NCOA2: variants seen among roughly 807,000 people sequenced by gnomAD.
NCOA2 encodes the protein class E basic helix-loop-helix protein 75.
Under a neutral mutation model 145.1 loss-of-function variants are expected in NCOA2, and 21 were observed. The ratio of observed to expected loss-of-function variants is 0.14; its 90% CI spans 0.10 to 0.21. NCOA2 has a LOEUF of 0.21. NCOA2 is among the 10% of genes least tolerant of loss of function. The pLI, the probability that NCOA2 is intolerant of heterozygous loss-of-function variation, is 1.00. For synonymous variants in NCOA2, 619 were observed against 637.5 expected, an observed-to-expected ratio of 0.97 and a Z score of 0.44; for missense variants, 1,472 against 1,837.6, an observed-to-expected ratio of 0.80 and a Z score of 3.64.
chr8:70,360,919 C>G (rs1810137986), intron 1 of NCOA2, among the ~76,000 whole-genome samples: 1 of 125,984 alleles, frequency 7.9e-6, no homozygotes, highest in Non-Finnish European at 1.6e-5. Flanking sequence ...GCCTGGGTGA[C>G]AGAGTGAGTG....
At chr8:70,137,098 G>A (rs1407387298) in intron 15 of NCOA2, among the ~76,000 whole-genome samples, 2 of 152,194 alleles carry the variant, frequency 1.3e-5, no homozygotes, top group Admixed American at 1.3e-4. Context: ...GGAGTGCAAC[G>A]GTGCGGTCTC....
In NCOA2 at chr8:70,112,311, G is replaced by T. The variant is rs974546043; in HGVS notation, c.*1321C>A. On this transcript the variant is annotated 3_prime_UTR_variant, in exon 23 of 23. Coordinates refer to ENST00000452400, the MANE Select transcript of NCOA2 (RefSeq NM_006540.4). ...TTTAATACTGAAGTACCTCATTTTTGAGTCAATTCCACAATATGTATACCT... is the reference window on the plus strand; with the variant it reads ...TTTAATACTGAAGTACCTCATTTTTTAGTCAATTCCACAATATGTATACCT... 1 of 194,786 alleles carries T rather than the reference G, an allele frequency of 5.1e-6. No homozygotes were observed. The highest frequency in any genetic ancestry group is 2.3e-5 in the African/African-American group (1 of 43,130). The allele number at this position is 194,786 out of a possible 1,614,324, so 12.1% of individuals were successfully genotyped here. A position where few individuals can be genotyped will look rare whatever the true frequency, so the allele number is the denominator to read the frequency against.
intron 1 of NCOA2, among the ~76,000 whole-genome samples, chr8:70,365,111 T>C (rs1433755955): frequency 6.6e-6 from 1 of 152,120 alleles, no homozygotes; most frequent in African/African-American, 2.4e-5. Flanking sequence ...GGAGGGTGCA[T>C]CACTTGAATT....
intron 2 of NCOA2, among the ~76,000 whole-genome samples, chr8:70,271,739 G>A (rs773213574): frequency 2.6e-5 from 4 of 152,186 alleles, no homozygotes; most frequent in East Asian, 3.8e-4. Flanking sequence ...AGACAGAAAC[G>A]CCTTAGCAAA....
At chr8:70,455,399 A>T in the NCOA2 span, among the ~76,000 whole-genome samples, 1 of 152,228 alleles carries the variant, frequency 6.6e-6, no homozygotes, top group African/African-American at 2.4e-5. Context: ...TAAGCTGCAT[A>T]GCTTTAAATT....
intron 4 of NCOA2, among the ~76,000 whole-genome samples, chr8:70,212,064 CGCATATATAT>C (rs1266239840): frequency 3.8e-5 from 3 of 77,930 alleles, no homozygotes; most frequent in Non-Finnish European, 7.2e-5. Flanking sequence ...TTCTTTGTGG[CGCATATATAT>C]ATATATATAT....
chr8:70,446,110 T>C, the NCOA2 span, among the ~76,000 whole-genome samples: 4 of 152,174 alleles, frequency 2.6e-5, no homozygotes, highest in Non-Finnish European at 5.9e-5. Context: ...ATATTATCTT[T>C]AGTCACAGAA....
At chr8:70,171,329 T>A (rs2132657839) in intron 5 of NCOA2, among the ~76,000 whole-genome samples, 1 of 152,298 alleles carries the variant, frequency 6.6e-6, no homozygotes, top group South Asian at 2.1e-4. Context: ...GAGGTTAAAG[T>A]CTCAGAACTA....
intron 2 of NCOA2, among the ~76,000 whole-genome samples, chr8:70,220,927 G>A (rs573872947): frequency 4.3e-4 from 65 of 152,258 alleles, no homozygotes; most frequent in African/African-American, 1.2e-3. Context: ...TAAAGTGATC[G>A]AACATCTGAT....
chr8:70,367,011 T>C (rs926738966), intron 1 of NCOA2, among the ~76,000 whole-genome samples: 4 of 152,242 alleles, frequency 2.6e-5, no homozygotes, highest in Non-Finnish European at 1.5e-5. Context: ...CACAGCAACC[T>C]GTTCCTGACA....
At chr8:70,116,728 T>C (rs920702555) in intron 22 of NCOA2, among the ~76,000 whole-genome samples, 7 of 152,202 alleles carry the variant, frequency 4.6e-5, no homozygotes, top group African/African-American at 1.7e-4. Context: ...GATTATTCTC[T>C]AAAGCAAATG....
chr8:70,326,433 A>T (rs1171542283), intron 1 of NCOA2, among the ~76,000 whole-genome samples: 20 of 144,764 alleles, frequency 1.4e-4, no homozygotes, highest in South Asian at 9.4e-4. Flanking sequence ...TCTCTCTCAC[A>T]CACACACACA....
chr8:70,237,973 T>G (rs1821781390), intron 2 of NCOA2, among the ~76,000 whole-genome samples: 1 of 152,148 alleles, frequency 6.6e-6, no homozygotes, highest in Non-Finnish European at 1.5e-5. Context: ...TGATTGCAAT[T>G]TAATATGATT....
intron 15 of NCOA2, among the ~76,000 whole-genome samples, chr8:70,132,327 C>A (rs762485298): frequency 3.1e-4 from 47 of 152,190 alleles, no homozygotes; most frequent in Non-Finnish European, 5.3e-4. Context: ...CCTACACCGA[C>A]TGCTCAAGCA....
the NCOA2 span, among the ~76,000 whole-genome samples, chr8:70,409,882 AG>A: frequency 1.3e-5 from 2 of 152,070 alleles, no homozygotes; most frequent in East Asian, 3.9e-4. Context: ...CCTGTGTGAA[AG>A]AAAGAATAAA....
At chr8:70,385,335 T>A (rs1489251573) in intron 1 of NCOA2, among the ~76,000 whole-genome samples, 2 of 152,198 alleles carry the variant, frequency 1.3e-5, no homozygotes, top group Non-Finnish European at 1.5e-5. Flanking sequence ...TCACACTTGT[T>A]TAAGTGATGG....
At chr8:70,419,001 G>A in the NCOA2 span, among the ~76,000 whole-genome samples, 1 of 151,836 alleles carries the variant, frequency 6.6e-6, no homozygotes, top group East Asian at 1.9e-4. Flanking sequence ...GCTTCCATCA[G>A]TGTGTATAAT....
the NCOA2 span, among the ~76,000 whole-genome samples, chr8:70,447,513 CACTT>C: frequency 6.6e-6 from 1 of 152,124 alleles, no homozygotes; most frequent in East Asian, 1.9e-4. Context: ...GTGACTGACT[CACTT>C]AGAGTGACTG....
chr8:70,113,861 G>A (rs976438353), intron 22 of NCOA2, among the ~76,000 whole-genome samples: 4 of 152,120 alleles, frequency 2.6e-5, no homozygotes, highest in Admixed American at 6.5e-5. Flanking sequence ...GGAGCCCAGC[G>A]AATCCTACAT....
Sources: allele counts gnomAD v4.1 joint callset (sites outside exome capture counted in the v4.1 genomes callset), GRCh38; gene constraint gnomAD v4.1.1; transcripts MANE v1.5; gene names NCBI Gene and HGNC (gene_info 2026-07-23, HGNC 2026-07-21).